Variants in KNSTRN observed in about 807,000 individuals in gnomAD.
KNSTRN encodes the protein kinetochore localized astrin (SPAG5) binding protein.
Under a neutral mutation model 44.7 loss-of-function variants are expected in KNSTRN, and 38 were observed. The observed-to-expected ratio is 0.85, with a 90% confidence interval of 0.66 to 1.11. The LOEUF (loss-of-function observed/expected upper bound fraction) is 1.11. KNSTRN is among the 50% of genes most tolerant of loss of function. The pLI is 0.00. For synonymous variants in KNSTRN, 158 were observed against 148.1 expected, an observed-to-expected ratio of 1.07 and a Z score of -0.48; for missense variants, 406 against 375.8, an observed-to-expected ratio of 1.08 and a Z score of -0.66.
chr15:40,386,841 A>G, intron 3 of KNSTRN: 2 of 523,886 alleles, frequency 3.8e-6, no homozygotes, highest in South Asian at 4.2e-5. Context: ...GTCCAGCCCT[A>G]GTGTGTGTGT....
At chr15:40,384,196 G>A (rs1339664189) in intron 2 of KNSTRN, 7 of 279,328 alleles carry the variant, frequency 2.5e-5, no homozygotes, top group Admixed American at 1.5e-4. Context: ...ACACGGTGAA[G>A]CACCGTCTCT....
intron 4 of KNSTRN, 186 bp from the exon 5 acceptor site, chr15:40,389,320 T>C: frequency 1.8e-6 from 1 of 545,712 alleles, no homozygotes; most frequent in Non-Finnish European, 3.3e-6. Flanking sequence ...GACTAATCTT[T>C]TGTAATTTTA....
Position 40,382,808 on chromosome 15 carries a change from T to C in KNSTRN, c.-28T>C, listed in dbSNP as rs937203726. The C allele has an allele frequency of 6.3e-6, 10 of 1,599,642 alleles. No homozygotes were observed. In the African/African-American group the frequency reaches 9.4e-5, roughly 15 times the overall value. ...CAACACCTTTCGCTAGGTCTGGCTC[T>C]GGCCTCTGAGCGAACCTTCCGTACA... On this transcript the variant is annotated 5_prime_UTR_variant, in exon 1 of 9. Coordinates refer to ENST00000249776, the MANE Select transcript of KNSTRN (RefSeq NM_033286.4).
At chr15:40,386,089 CAT>C (rs1206332327) in intron 2 of KNSTRN, among the ~76,000 whole-genome samples, 1 of 152,096 alleles carries the variant, frequency 6.6e-6, no homozygotes, top group Non-Finnish European at 1.5e-5. Context: ...AATTTTAAAA[CAT>C]ATTTGAGGTG....
At chr15:40,387,108 C>T (rs771756629) in intron 3 of KNSTRN, 51 bp from the exon 4 acceptor site, 2 of 1,361,412 alleles carry the variant, frequency 1.5e-6, no homozygotes, top group African/African-American at 2.9e-5. Flanking sequence ...TCACAGCACA[C>T]TTAACAGTAC....
rs1312244817 is a variant in KNSTRN, at chr15:40,386,484, C to T, written c.427C>T (p.Arg143Ter). 5.6e-6 allele frequency: 9 copies of T among 1,614,036 alleles called. No individual in the cohort carries two copies. In the East Asian group the frequency reaches 8.9e-5, roughly 16 times the overall value. The change falls in exon 3 of 9, where the codon CGA becomes TGA. Residue 143 changes from arginine (R) to a stop codon, truncating the protein, a stop_gained. Transcript: ENST00000249776. LOFTEE classifies it high-confidence loss of function. ...NDVTKITKLR[R>*]ENGQMKATDT... ...TGTTACAAAAATCACCAAACTGAGA[C>T]GAGAGAATGGGTGAGAACGGATCAT...
At chr15:40,390,053 T>C in intron 6 of KNSTRN, 124 bp downstream of exon 6, 1 of 724,600 alleles carries the variant, frequency 1.4e-6, no homozygotes, top group East Asian at 2.6e-5. Flanking sequence ...CATAAAGCCC[T>C]AAAGATTTTG....
At chr15:40,392,082 G>A (rs1335529285) in intron 8 of KNSTRN, 59 bp downstream of exon 8, 2 of 1,003,800 alleles carry the variant, frequency 2.0e-6, no homozygotes, top group Non-Finnish European at 2.9e-6. Context: ...TTATAGTGGG[G>A]TCTTTTCTGT....
chr15:40,387,756 G>C (rs573533259), intron 4 of KNSTRN, among the ~76,000 whole-genome samples: 1 of 152,086 alleles, frequency 6.6e-6, no homozygotes, highest in Admixed American at 6.6e-5. Context: ...ACCTGTAATC[G>C]CAACACTTTG....
chr15:40,392,684 C>T (rs1471814025), intron 8 of KNSTRN, among the ~76,000 whole-genome samples: 1 of 152,192 alleles, frequency 6.6e-6, no homozygotes, highest in Non-Finnish European at 1.5e-5. Flanking sequence ...GATCTCGGCT[C>T]ACTGCAACCT....
intron 3 of KNSTRN, 35 bp downstream of exon 3, chr15:40,386,529 C>T: frequency 6.2e-7 from 1 of 1,604,702 alleles, no homozygotes; most frequent in Non-Finnish European, 8.5e-7. Flanking sequence ...GTTAGAACAT[C>T]TTCCTAGAAA....
In KNSTRN at chr15:40,383,144, T is replaced by C. The variant is rs1889841986; in HGVS notation, c.210-84T>C. 1.9e-6 allele frequency: 3 copies of C among 1,580,650 alleles called. No homozygotes were observed. The East Asian group carries it at 6.7e-5, about 35-fold the overall frequency. On this transcript the variant is annotated intron_variant, in intron 1 of 8. Transcript: ENST00000249776. ...TCTTTTCCAACCCCGAGCCGGGGCC[T>C]GTCGGGTCGCGCTATCCCCGGGCCC...
intron 4 of KNSTRN, among the ~76,000 whole-genome samples, chr15:40,388,866 C>T (rs545957289): frequency 6.6e-6 from 1 of 152,260 alleles, no homozygotes; most frequent in East Asian, 1.9e-4. Flanking sequence ...CAGTTTATGG[C>T]CAGATTTGGG....
Position 40,387,211 on chromosome 15 carries a change from GC to G in KNSTRN, c.485+6del. Reference sequence around the variant, plus strand: ...CAGAAGGAATGTCAGAAAAGGGTGAGCATCAGGGTAAATCAACTTGGCCACT... The same window carrying G: ...CAGAAGGAATGTCAGAAAAGGGTGAGATCAGGGTAAATCAACTTGGCCACT... On this transcript the variant is annotated splice_donor_region_variant and intron_variant, in intron 4 of 8. Coordinates refer to ENST00000249776, the MANE Select transcript of KNSTRN (RefSeq NM_033286.4). 1 of 1,610,366 alleles carries G rather than the reference GC, an allele frequency of 6.2e-7. No individual in the cohort carries two copies. Among genetic ancestry groups the G allele is most frequent in the South Asian group, 1.1e-5 (1 of 90,968 alleles).
chr15:40,393,275 TCTACTA>T, intron 8 of KNSTRN, 188 bp from the exon 9 acceptor site: 1 of 1,612,594 alleles, frequency 6.2e-7, no homozygotes, highest in Non-Finnish European at 8.5e-7. Flanking sequence ...CTAGTCCCTC[TCTACTA>T]CTAGAGGGAC....
In KNSTRN at chr15:40,393,451, G is replaced by A. The variant is rs769806376; in HGVS notation, c.823-18G>A. ...TTTGTGTATGTGTTGTTTTCTTTTG[G>A]AATGTCTTTCCATGCAGGCCTTAAA... On this transcript the variant is annotated intron_variant, in intron 8 of 8. Coordinates refer to ENST00000249776, the MANE Select transcript of KNSTRN (RefSeq NM_033286.4). The A allele has an allele frequency of 6.2e-7, 1 of 1,607,540 alleles. No homozygotes were observed. The highest frequency in any genetic ancestry group is 1.3e-5 in the African/African-American group (1 of 74,512).
At chr15:40,392,122 A>C (rs900953952) in intron 8 of KNSTRN, 99 bp downstream of exon 8, 1 of 735,726 alleles carries the variant, frequency 1.4e-6, no homozygotes, top group Non-Finnish European at 2.1e-6. Flanking sequence ...AAACTTTCTA[A>C]ATAATTTTAG....
Position 40,386,218 on chromosome 15 carries a change from C to T in KNSTRN, c.305-144C>T, listed in dbSNP as rs1004479220. The T allele has an allele frequency of 2.2e-5, 19 of 868,424 alleles. 2 individuals carry two copies. The East Asian group carries it at 5.2e-4, about 24-fold the overall frequency. 53.8% of individuals were successfully genotyped at this position (868,424 alleles called of 1,614,324 possible). A position where few individuals can be genotyped will look rare whatever the true frequency, so the allele number is the denominator to read the frequency against. On this transcript the variant is annotated intron_variant, in intron 2 of 8. Coordinates refer to ENST00000249776, the MANE Select transcript of KNSTRN (RefSeq NM_033286.4). Reference sequence around the variant, plus strand: ...CTCCAGCCTGGGCCACAGAGCAAGACTCTGTCTCAAAAAAATAAATAATAC... The same window carrying T: ...CTCCAGCCTGGGCCACAGAGCAAGATTCTGTCTCAAAAAAATAAATAATAC...
At position 40,386,375 on chromosome 15, in the gene KNSTRN, G is replaced by A. The variant is rs771572198; in HGVS notation, c.318G>A (p.Arg106=). 6.2e-7 allele frequency: 1 copy of A among 1,613,314 alleles called. No homozygotes were observed. Among genetic ancestry groups the A allele is most frequent in the East Asian group, 2.2e-5 (1 of 44,862 alleles). Residue 106 remains arginine (R), a synonymous_variant, in exon 3 of 9, where the codon CGG becomes CGA. Transcript: ENST00000249776. The part of the protein sequence containing the change: ...SGGQPADTQT[R]ATSKSLLPVR... ...TTTCCTTTGCAGACACACAAACTCG[G>A]GCCACTTCTAAGAGTCTCTTACCTG...
Sources: allele counts gnomAD v4.1 joint callset (sites outside exome capture counted in the v4.1 genomes callset), GRCh38; gene constraint gnomAD v4.1.1; transcripts MANE v1.5; gene names NCBI Gene and HGNC (gene_info 2026-07-23, HGNC 2026-07-21).